Variants in LRRC4C observed in about 807,000 individuals in gnomAD.
LRRC4C encodes leucine rich repeat containing 4C, also known as leucine-rich repeat-containing protein 4C.
Under a neutral mutation model 33.6 loss-of-function variants are expected in LRRC4C, and 5 were observed. The ratio of observed to expected loss-of-function variants is 0.15; its 90% CI spans 0.08 to 0.31. The LOEUF is 0.31. Among genes scored for constraint, LRRC4C ranks in the 10% least tolerant of loss-of-function variants. The pLI, the probability that LRRC4C is intolerant of heterozygous loss-of-function variation, is 1.00. For missense variants in LRRC4C, 560 were observed against 796.7 expected (o/e 0.70, Z 3.58); for synonymous variants, 329 against 302.0 (o/e 1.09, Z -0.93).
chr11:40,431,844 C>A (rs1488373859), intron 3 of LRRC4C, among the ~76,000 whole-genome samples: 2 of 152,150 alleles, frequency 1.3e-5, no homozygotes, highest in East Asian at 3.9e-4. Context: ...CTACGCAGGA[C>A]TTTCCTATTC....
At chr11:40,801,056 A>C (rs910229428) in intron 2 of LRRC4C, among the ~76,000 whole-genome samples, 2 of 152,070 alleles carry the variant, frequency 1.3e-5, no homozygotes, top group Admixed American at 6.5e-5. Flanking sequence ...CACTCTAAGT[A>C]AATCAGATGA....
At chr11:40,477,626 T>C (rs187157555) in intron 3 of LRRC4C, among the ~76,000 whole-genome samples, 29 of 152,340 alleles carry the variant, frequency 1.9e-4, no homozygotes, top group Non-Finnish European at 2.9e-5. Context: ...TTCCCTTATA[T>C]TGACTACCAC....
chr11:40,902,047 CCTCT>C (rs1191039644), intron 2 of LRRC4C, among the ~76,000 whole-genome samples: 24 of 138,784 alleles, frequency 1.7e-4, no homozygotes, highest in Non-Finnish European at 3.7e-4. Context: ...CACACACACA[CCTCT>C]TTTTGTTGAG....
intron 3 of LRRC4C, among the ~76,000 whole-genome samples, chr11:40,554,807 C>T (rs1373168258): frequency 2.0e-5 from 3 of 147,176 alleles, no homozygotes; most frequent in Admixed American, 6.7e-5. Context: ...CTGCAAGCTC[C>T]GCCTCCCGGG....
chr11:40,735,431 G>GAC (rs1947811119), intron 2 of LRRC4C, among the ~76,000 whole-genome samples: 2 of 145,440 alleles, frequency 1.4e-5, no homozygotes, highest in Non-Finnish European at 3.0e-5. Context: ...TTGTCCTTCC[G>GAC]ATAGTTTGCT....
intron 1 of LRRC4C, among the ~76,000 whole-genome samples, chr11:41,409,835 A>G (rs1954394345): frequency 6.6e-6 from 1 of 152,242 alleles, no homozygotes; most frequent in Non-Finnish European, 1.5e-5. Context: ...ATTGCGAAAA[A>G]AAATGAACTG....
At chr11:41,080,527 A>T (rs1396579958) in intron 1 of LRRC4C, among the ~76,000 whole-genome samples, 1 of 151,552 alleles carries the variant, frequency 6.6e-6, no homozygotes, top group Non-Finnish European at 1.5e-5. Context: ...AATTTTTTGT[A>T]TTTTTAGTAG....
At chr11:40,833,755 G>A (rs1250544590) in intron 2 of LRRC4C, among the ~76,000 whole-genome samples, 1 of 146,262 alleles carries the variant, frequency 6.8e-6, no homozygotes, top group African/African-American at 2.4e-5. Flanking sequence ...GACTTAAAAT[G>A]TAAATGTGTA....
At chr11:41,420,300 G>A (rs566902359) in intron 1 of LRRC4C, among the ~76,000 whole-genome samples, 107 of 151,986 alleles carry the variant, frequency 7.0e-4, no homozygotes, top group African/African-American at 2.4e-3. Flanking sequence ...TTCACAGGAA[G>A]ACTTCTGAAA....
At chr11:40,928,360 T>C (rs1215670092) in intron 2 of LRRC4C, among the ~76,000 whole-genome samples, 2 of 151,754 alleles carry the variant, frequency 1.3e-5, no homozygotes, top group African/African-American at 4.8e-5. Context: ...AATTAAATAT[T>C]ATTGCATTTA....
chr11:40,901,931 G>A (rs1472960560), intron 2 of LRRC4C, among the ~76,000 whole-genome samples: 1 of 148,886 alleles, frequency 6.7e-6, no homozygotes, highest in Non-Finnish European at 1.5e-5. Flanking sequence ...TCCCTGGTAA[G>A]TAAAATGATG....
intron 1 of LRRC4C, among the ~76,000 whole-genome samples, chr11:41,041,287 T>G (rs540094335): frequency 1.3e-5 from 2 of 152,274 alleles, no homozygotes; most frequent in South Asian, 2.1e-4. Context: ...AGCTCATTTT[T>G]AATGGTTGTA....
chr11:41,319,147 G>T (rs1463399189), intron 1 of LRRC4C, among the ~76,000 whole-genome samples: 1 of 152,126 alleles, frequency 6.6e-6, no homozygotes, highest in Non-Finnish European at 1.5e-5. Context: ...AAAGCCACAT[G>T]ATGCCACATG....
At chr11:41,399,960 A>G (rs1309717609) in intron 1 of LRRC4C, among the ~76,000 whole-genome samples, 2 of 151,994 alleles carry the variant, frequency 1.3e-5, no homozygotes, top group East Asian at 3.9e-4. Flanking sequence ...GCACCAGGAC[A>G]TGTAAGCTAA....
chr11:40,358,207 A>T, intron 3 of LRRC4C, among the ~76,000 whole-genome samples: 1 of 141,308 alleles, frequency 7.1e-6, no homozygotes, highest in Admixed American at 7.2e-5. Context: ...AAATAACAAA[A>T]AACAACAACA....
chr11:40,424,219 C>T (rs1836586599), intron 3 of LRRC4C, among the ~76,000 whole-genome samples: 1 of 152,154 alleles, frequency 6.6e-6, no homozygotes, highest in Admixed American at 6.5e-5. Context: ...ATTTCACTAC[C>T]TCTTTCAAGA....
At chr11:40,516,172 G>A (rs1477690438) in intron 3 of LRRC4C, among the ~76,000 whole-genome samples, 1 of 152,010 alleles carries the variant, frequency 6.6e-6, no homozygotes, top group East Asian at 1.9e-4. Context: ...ATTAAGTGCT[G>A]TTAACTTCCA....
chr11:40,619,600 C>T (rs1962235406), intron 3 of LRRC4C, among the ~76,000 whole-genome samples: 1 of 151,642 alleles, frequency 6.6e-6, no homozygotes, highest in Admixed American at 6.6e-5. Flanking sequence ...TGGCTATTTT[C>T]TTCTAATTTA....
At chr11:40,221,154 A>C (rs562399447) in intron 5 of LRRC4C, among the ~76,000 whole-genome samples, 30 of 152,150 alleles carry the variant, frequency 2.0e-4, no homozygotes, top group African/African-American at 7.0e-4. Context: ...GTTCAACCCT[A>C]TTTTTAAAAT....
Sources: gnomAD v4.1 joint callset for allele counts (sites outside exome capture counted in the v4.1 genomes callset) on GRCh38, gnomAD v4.1.1 for gene constraint, MANE v1.5 for transcripts, NCBI Gene and HGNC (gene_info 2026-07-23, HGNC 2026-07-21) for gene names.